The following RAD50 variants were observed in gnomAD, a reference collection of about 807,000 sequenced individuals.
RAD50 encodes DNA repair protein RAD50.
Under a neutral mutation model 168.8 loss-of-function variants are expected in RAD50, and 132 were observed. The observed-to-expected ratio is 0.78, with a 90% confidence interval of 0.68 to 0.90. The LOEUF is 0.90. RAD50 is among the 40% of genes least tolerant of loss of function. RAD50 has a pLI of 0.00. For synonymous variants in RAD50, 525 were observed against 497.4 expected (o/e 1.06, Z -0.74); for missense variants, 1,347 against 1,534.4 (o/e 0.88, Z 2.04).
intron 2 of RAD50, among the ~76,000 whole-genome samples, chr5:132,573,146 G>C (rs1750336302): frequency 1.3e-5 from 2 of 152,202 alleles, no homozygotes; most frequent in Admixed American, 1.3e-4. Context: ...TGGGACATCA[G>C]ATCAGCAACT....
At chr5:132,607,144 G>A (rs990567397) in intron 16 of RAD50, among the ~76,000 whole-genome samples, 21 of 152,304 alleles carry the variant, frequency 1.4e-4, no homozygotes, top group South Asian at 4.1e-4. Flanking sequence ...AAAGATTTCT[G>A]GAAGAAGGAG....
intron 13 of RAD50, among the ~76,000 whole-genome samples, chr5:132,597,291 G>A (rs747216256): frequency 6.6e-6 from 1 of 152,050 alleles, no homozygotes; most frequent in Non-Finnish European, 1.5e-5. Context: ...TAGTAATCTC[G>A]GCCTCTTGGT....
chr5:132,568,873 T>A (rs1750254561), intron 2 of RAD50, among the ~76,000 whole-genome samples: 1 of 152,244 alleles, frequency 6.6e-6, no homozygotes, highest in African/African-American at 2.4e-5. Context: ...CGAAAATGAT[T>A]GTAAATTAGT....
rs1751818757 is a variant in RAD50, at chr5:132,644,927, C to T, written c.*2563C>T. The T allele has an allele frequency of 6.6e-6, 1 of 152,294 alleles. No homozygotes were observed. The highest frequency in any genetic ancestry group is 1.5e-5 in the Non-Finnish European group (1 of 68,106). The allele number at this position is 152,294 out of a possible 1,614,324, so 9.4% of individuals were successfully genotyped here. A position where few individuals can be genotyped will look rare whatever the true frequency, so the allele number is the denominator to read the frequency against. ...CTAGGATTACAGGCATGTACCACCA[C>T]ACCAGGCTAATTTTTGTATTTTAGT... On this transcript the variant is annotated 3_prime_UTR_variant, in exon 25 of 25. Transcript: ENST00000378823.
intron 2 of RAD50, among the ~76,000 whole-genome samples, chr5:132,560,570 T>G (rs953013989): frequency 6.6e-6 from 1 of 152,248 alleles, no homozygotes; most frequent in Admixed American, 6.5e-5. Flanking sequence ...GAGAATTCCC[T>G]TATTTTCCAA....
rs774880198 is a variant in RAD50, at chr5:132,645,180, T to G, written c.*2816T>G. 6.6e-6 allele frequency: 1 copy of G among 152,274 alleles called. No individual in the cohort carries two copies. The highest frequency in any genetic ancestry group is 1.5e-5 in the Non-Finnish European group (1 of 68,070). The allele number at this position is 152,274 out of a possible 1,614,324, so 9.4% of individuals were successfully genotyped here. ...AATAACCCCATGGTGTCTACAATTTTCCTGTGGTCCTCAACCCCAGCAATT... is the reference window on the plus strand; with the variant it reads ...AATAACCCCATGGTGTCTACAATTTGCCTGTGGTCCTCAACCCCAGCAATT... On this transcript the variant is annotated 3_prime_UTR_variant, in exon 25 of 25. Coordinates refer to ENST00000378823, the MANE Select transcript of RAD50 (RefSeq NM_005732.4).
Position 132,576,523 on chromosome 5 carries a change from A to G in RAD50, c.365+595A>G, listed in dbSNP as rs1056560372. 5.3e-5 allele frequency among the ~76,000 whole-genome samples: 8 copies of G among 152,222 alleles called. No individual in the cohort carries two copies. In the East Asian group the frequency reaches 1.5e-3, roughly 29 times the overall value. On this transcript the variant is annotated intron_variant, in intron 3 of 24. Transcript: ENST00000378823. ...TTCTTCTCCTCCCTTTTATTTAACTAGCTAAGTAATTCCTTTATTTAACCA... is the reference window on the plus strand; with the variant it reads ...TTCTTCTCCTCCCTTTTATTTAACTGGCTAAGTAATTCCTTTATTTAACCA...
intron 14 of RAD50, among the ~76,000 whole-genome samples, chr5:132,603,714 A>G (rs1750929109): frequency 6.6e-6 from 1 of 152,168 alleles, no homozygotes; most frequent in Non-Finnish European, 1.5e-5. Flanking sequence ...TTTGTTTTTC[A>G]TCTTTAGTCA....
At chr5:132,618,924 A>T (rs1456376202) in intron 21 of RAD50, among the ~76,000 whole-genome samples, 2 of 152,212 alleles carry the variant, frequency 1.3e-5, no homozygotes, top group Non-Finnish European at 2.9e-5. Flanking sequence ...ACCAGTGACA[A>T]AGATTTTTAC....
chr5:132,582,400 A>G (rs1174751265), intron 5 of RAD50, among the ~76,000 whole-genome samples: 1 of 146,252 alleles, frequency 6.8e-6, no homozygotes, highest in Non-Finnish European at 1.5e-5. Context: ...GATGACTTCC[A>G]AAGTCCTTTT....
At chr5:132,591,590 A>T (rs1333461502) in intron 10 of RAD50, among the ~76,000 whole-genome samples, 184 bp downstream of exon 10, 1 of 152,176 alleles carries the variant, frequency 6.6e-6, no homozygotes, top group African/African-American at 2.4e-5. Context: ...ACAAAAAGTT[A>T]ATACAGAAAT....
intron 5 of RAD50, among the ~76,000 whole-genome samples, chr5:132,585,596 T>C (rs1385720912): frequency 2.7e-5 from 4 of 149,320 alleles, no homozygotes; most frequent in African/African-American, 7.4e-5. Flanking sequence ...GAGTTCTTTT[T>C]TTTTTTTTTT....
intron 11 of RAD50, among the ~76,000 whole-genome samples, chr5:132,593,981 T>G (rs901383666): frequency 1.3e-5 from 2 of 152,140 alleles, no homozygotes; most frequent in African/African-American, 4.8e-5. Flanking sequence ...TGGTGCTACG[T>G]AGAGGTAGAG....
chr5:132,619,613 A>G (rs1751239640), intron 21 of RAD50, among the ~76,000 whole-genome samples: 2 of 151,974 alleles, frequency 1.3e-5, no homozygotes, highest in African/African-American at 2.4e-5. Context: ...TCTCTTCTGC[A>G]TTTCAATTCC....
In RAD50 at chr5:132,638,197, C is replaced by T. The variant is rs761837416; in HGVS notation, c.3592C>T (p.Arg1198Ter). 6.2e-6 allele frequency: 10 copies of T among 1,613,968 alleles called. No homozygotes were observed. The highest frequency in any genetic ancestry group is 2.2e-5 in the South Asian group (2 of 91,084). Residue 1198 changes from arginine to a stop codon, truncating the protein, a stop_gained, in exon 23 of 25, where the codon CGA (arginine) becomes TGA (stop). Transcript: ENST00000378823. LOFTEE classifies it high-confidence loss of function. Reference sequence around the variant, plus strand: ...GAAGGGAGACACAGCCTTGGATATGCGAGGACGATGCAGTGCTGGACAAAA... The same window carrying T: ...GAAGGGAGACACAGCCTTGGATATGTGAGGACGATGCAGTGCTGGACAAAA... ...MLKGDTALDMRGRCSAGQKVL... is the reference protein window; with the variant it reads ...MLKGDTALDM
At chr5:132,597,973 T>G (rs1238569641) in intron 13 of RAD50, among the ~76,000 whole-genome samples, 1 of 152,136 alleles carries the variant, frequency 6.6e-6, no homozygotes, top group Non-Finnish European at 1.5e-5. Flanking sequence ...ATGAGCTTAG[T>G]TCTGTGTTAG....
intron 2 of RAD50, among the ~76,000 whole-genome samples, chr5:132,571,166 C>CAGATACACTGTTAT (rs1422375541): frequency 6.6e-6 from 1 of 150,810 alleles, no homozygotes; most frequent in Non-Finnish European, 1.5e-5. Flanking sequence ...ATCACTATAA[C>CAGATACACTGTTAT]AGATACAATA....
At position 132,609,221 on chromosome 5, in the gene RAD50, C is replaced by T. The variant is rs1004899327; in HGVS notation, c.2922+12C>T. ...ACGACTATAAGAAGGTAATTTAAAA[C>T]TTAAAATTATTTATTTGATTGTATT... On this transcript the variant is annotated intron_variant, in intron 18 of 24. Transcript: ENST00000378823. 1.2e-6 allele frequency: 2 copies of T among 1,607,992 alleles called. No individual in the cohort carries two copies. The highest frequency in any genetic ancestry group is 1.7e-4 in the Middle Eastern group (1 of 6,008).
rs1164768642 is a variant in RAD50 at position 132,587,662 on chromosome 5, A to G, written c.857A>G (p.Asn286Ser). 2 of 1,613,866 alleles carry G rather than the reference A, an allele frequency of 1.2e-6. No homozygotes were observed. The highest frequency in any genetic ancestry group is 2.7e-5 in the African/African-American group (2 of 75,056). ...DSRKKQMEKD[N>S]SELEEKMEKV... ...CGAAAGAAGCAAATGGAGAAAGATA[A>G]TAGTGAACTGGAAGAGAAAATGGAA... The change falls in exon 6 of 25, where the codon AAT (asparagine) becomes AGT (serine). Residue 286 changes from asparagine (N) to serine (S), a missense_variant. Coordinates refer to ENST00000378823, the MANE Select transcript of RAD50 (RefSeq NM_005732.4).
Sources: allele counts gnomAD v4.1 joint callset (sites outside exome capture counted in the v4.1 genomes callset), GRCh38; gene constraint gnomAD v4.1.1; transcripts MANE v1.5; gene names NCBI Gene and HGNC (gene_info 2026-07-23, HGNC 2026-07-21).